DGKI: variants seen among roughly 807,000 people sequenced by gnomAD.
The protein encoded by DGKI is diacylglycerol kinase iota.
A neutral mutation model predicts 147.5 loss-of-function variants in DGKI; 55 were observed. The ratio of observed to expected loss-of-function variants is 0.37; its 90% confidence interval spans 0.30 to 0.47. DGKI has a LOEUF of 0.47. Among genes scored for constraint, DGKI ranks in the 20% least tolerant of loss-of-function variants. The pLI is 1.00. For synonymous variants in DGKI, 469 were observed against 477.1 expected, an observed-to-expected ratio of 0.98 and a Z score of 0.22; for missense variants, 1,007 against 1,323.8, an observed-to-expected ratio of 0.76 and a Z score of 3.71.
intron 28 of DGKI, among the ~76,000 whole-genome samples, chr7:137,416,658 G>A (rs1411115495): frequency 6.6e-6 from 1 of 152,158 alleles, no homozygotes; most frequent in East Asian, 1.9e-4. Context: ...ATGTCAGTGT[G>A]AGTCTGCTTC....
chr7:137,507,294 A>T (rs1462670793), intron 21 of DGKI, among the ~76,000 whole-genome samples: 1 of 152,242 alleles, frequency 6.6e-6, no homozygotes. Flanking sequence ...TCTATAGTCC[A>T]TTAAAAATGT....
intron 1 of DGKI, among the ~76,000 whole-genome samples, chr7:137,744,738 T>C (rs117183498): frequency 1.0e-3 from 152 of 152,286 alleles, no homozygotes; most frequent in Non-Finnish European, 1.6e-3. Context: ...GATGGTTCAA[T>C]ATATGAAAAT....
chr7:137,693,854 A>T (rs1290643675), intron 1 of DGKI, among the ~76,000 whole-genome samples: 1 of 152,242 alleles, frequency 6.6e-6, no homozygotes, highest in Non-Finnish European at 1.5e-5. Flanking sequence ...AATAAATGCA[A>T]ATAAGGTAGA....
chr7:137,530,135 C>G (rs1316764139), intron 20 of DGKI, among the ~76,000 whole-genome samples: 1 of 152,160 alleles, frequency 6.6e-6, no homozygotes, highest in Non-Finnish European at 1.5e-5. Flanking sequence ...TCAAAGTTCC[C>G]TCTCCATAAG....
intron 1 of DGKI, among the ~76,000 whole-genome samples, chr7:137,830,881 T>A (rs902207261): frequency 2.6e-5 from 4 of 152,172 alleles, no homozygotes; most frequent in African/African-American, 9.7e-5. Context: ...TGAGTCTGAA[T>A]CCAATTAATT....
Position 137,649,236 on chromosome 7 carries a change from A to G in DGKI, c.739-3699T>C, listed in dbSNP as rs1410533838. Reference sequence around the variant, plus strand: ...TCATCAATTGCCTTCATCGATAAGGAAAAAAAGTTACTATAGAATCATTTA... The same window carrying G: ...TCATCAATTGCCTTCATCGATAAGGGAAAAAAGTTACTATAGAATCATTTA... On this transcript the variant is annotated intron_variant, in intron 5 of 32. Coordinates refer to ENST00000614521, the MANE Select transcript of DGKI (RefSeq NM_001321708.2). Among the ~76,000 whole-genome samples the G allele has an allele frequency of 2.8e-4, 43 of 152,174 alleles. 1 individual carries two copies.
chr7:137,728,104 T>C (rs1438096011), intron 1 of DGKI, among the ~76,000 whole-genome samples: 1 of 152,204 alleles, frequency 6.6e-6, no homozygotes, highest in Non-Finnish European at 1.5e-5. Flanking sequence ...TGAACATGGT[T>C]TTCTGCAGAA....
chr7:137,576,908 C>T (rs1405789813), intron 17 of DGKI, among the ~76,000 whole-genome samples: 1 of 152,182 alleles, frequency 6.6e-6, no homozygotes, highest in Non-Finnish European at 1.5e-5. Context: ...GTTATCACTT[C>T]TCCCTTTGTG....
chr7:137,588,348 A>C (rs1819481696), intron 12 of DGKI, among the ~76,000 whole-genome samples: 1 of 152,156 alleles, frequency 6.6e-6, no homozygotes, highest in Non-Finnish European at 1.5e-5. Flanking sequence ...TTTATTGAAC[A>C]CTACTTCATA....
At chr7:137,413,288 T>C (rs762257879) in intron 28 of DGKI, among the ~76,000 whole-genome samples, 125 of 146,066 alleles carry the variant, frequency 8.6e-4, no homozygotes, top group Non-Finnish European at 1.7e-3. Context: ...AAAAAAAAAA[T>C]TCATTTTTAT....
intron 1 of DGKI, among the ~76,000 whole-genome samples, chr7:137,715,816 A>C (rs1794359126): frequency 6.6e-6 from 1 of 152,176 alleles, no homozygotes; most frequent in Non-Finnish European, 1.5e-5. Flanking sequence ...AAAGGGAGTG[A>C]ATTCTGCTTG....
intron 21 of DGKI, among the ~76,000 whole-genome samples, chr7:137,496,738 A>C (rs1409832895): frequency 6.6e-6 from 1 of 152,058 alleles, no homozygotes; most frequent in East Asian, 1.9e-4. Flanking sequence ...GGAATAACCG[A>C]CTAGTCATAT....
intron 29 of DGKI, 39 bp from the exon 30 acceptor site, chr7:137,408,034 T>TCCGGA (rs771837150): frequency 6.2e-7 from 1 of 1,612,114 alleles, no homozygotes; most frequent in Admixed American, 1.7e-5. Flanking sequence ...TCAGGCAGAA[T>TCCGGA]TCGGAACAAG....
chr7:137,443,842 A>T (rs1813607078), intron 28 of DGKI, among the ~76,000 whole-genome samples: 1 of 152,256 alleles, frequency 6.6e-6, no homozygotes, highest in South Asian at 2.1e-4. Flanking sequence ...GGCAGAATAA[A>T]TTAAGGCTTC....
chr7:137,488,979 C>G (rs1457293352), intron 21 of DGKI, among the ~76,000 whole-genome samples: 3 of 152,102 alleles, frequency 2.0e-5, no homozygotes, highest in African/African-American at 7.2e-5. Context: ...GACGTTTTAG[C>G]TAGAGGAGTA....
At chr7:137,778,801 G>C (rs954830447) in intron 1 of DGKI, among the ~76,000 whole-genome samples, 1 of 152,114 alleles carries the variant, frequency 6.6e-6, no homozygotes, top group African/African-American at 2.4e-5. Flanking sequence ...AGATAACTTA[G>C]GGGAAGGCAA....
At chr7:137,674,287 T>G (rs1822951460) in intron 3 of DGKI, among the ~76,000 whole-genome samples, 1 of 152,202 alleles carries the variant, frequency 6.6e-6, no homozygotes, top group Non-Finnish European at 1.5e-5. Context: ...GCCCTGAAGC[T>G]TGGGAACAAA....
At chr7:137,795,224 A>G (rs966294905) in intron 1 of DGKI, among the ~76,000 whole-genome samples, 1 of 152,186 alleles carries the variant, frequency 6.6e-6, no homozygotes, top group Non-Finnish European at 1.5e-5. Context: ...CCCTATTCCT[A>G]TTCCCATCTC....
chr7:137,654,931 C>A, intron 4 of DGKI, 143 bp from the exon 5 acceptor site: 2 of 576,596 alleles, frequency 3.5e-6, no homozygotes, highest in Admixed American at 3.4e-5. Context: ...TCTTCTTAGT[C>A]TTTTGAAATC....
Sources: allele counts gnomAD v4.1 joint callset (sites outside exome capture counted in the v4.1 genomes callset), GRCh38; gene constraint gnomAD v4.1.1; transcripts MANE v1.5; gene names NCBI Gene and HGNC (gene_info 2026-07-23, HGNC 2026-07-21).